ADAMTSL1: variants seen among roughly 807,000 people sequenced by gnomAD.
ADAMTSL1 encodes the protein ADAMTS like 1, also known as ADAMTS-like protein 1.
ADAMTSL1 carries 126 observed loss-of-function variants against 201.8 expected under a neutral mutation model. The observed-to-expected ratio is 0.62, with a 90% CI of 0.54 to 0.72. ADAMTSL1 has a LOEUF of 0.72. Ranked by LOEUF, ADAMTSL1 falls within the 30% of genes least tolerant of loss-of-function variation. The pLI is 0.00. For synonymous variants in ADAMTSL1, 1,121 were observed against 903.4 expected (o/e 1.24, Z -4.32); for missense variants, 2,679 against 2,277.8 (o/e 1.18, Z -3.59).
In ADAMTSL1 at chr9:18,910,360, T is replaced by C. The variant is rs1588374271; in HGVS notation, c.*1812T>C. ...ATTAAAAAAGTGCAATATTAATAAT[T>C]GTACATTGTCATCCAGAAACAAAAC... On this transcript the variant is annotated 3_prime_UTR_variant, in exon 29 of 29. Coordinates refer to ENST00000380548, the MANE Select transcript of ADAMTSL1 (RefSeq NM_001040272.6). The C allele has an allele frequency of 6.6e-6, 1 of 152,370 alleles. No homozygotes were observed. The highest frequency in any genetic ancestry group is 1.9e-4 in the East Asian group (1 of 5,188). The allele number at this position is 152,370 out of a possible 1,614,324, so 9.4% of individuals were successfully genotyped here.
chr9:18,631,331 GA>G (rs1172688384), intron 5 of ADAMTSL1, among the ~76,000 whole-genome samples: 1 of 152,130 alleles, frequency 6.6e-6, no homozygotes, highest in Non-Finnish European at 1.5e-5. Flanking sequence ...AAACCAGGGA[GA>G]AAATTGAAAG....
At chr9:17,974,153 A>G (rs1818338906) in intron 1 of ADAMTSL1, among the ~76,000 whole-genome samples, 1 of 152,048 alleles carries the variant, frequency 6.6e-6, no homozygotes, top group Non-Finnish European at 1.5e-5. Flanking sequence ...TGAATGGGCA[A>G]AAACTGGAAG....
chr9:18,748,566 GA>G, intron 15 of ADAMTSL1, among the ~76,000 whole-genome samples: 1 of 152,262 alleles, frequency 6.6e-6, no homozygotes, highest in Non-Finnish European at 1.5e-5. Context: ...CACACTGAAG[GA>G]AAATGTGTGG....
intron 2 of ADAMTSL1, among the ~76,000 whole-genome samples, chr9:18,524,831 G>T (rs951950726): frequency 3.3e-5 from 5 of 152,196 alleles, no homozygotes; most frequent in African/African-American, 1.2e-4. Context: ...TGTGCTGCTG[G>T]ATTCGGTTTG....
intron 2 of ADAMTSL1, among the ~76,000 whole-genome samples, chr9:18,287,623 A>AAGTATATATGTGTGTATATATGTATGTGT (rs370133761): frequency 2.3e-4 from 33 of 143,352 alleles, no homozygotes; most frequent in African/African-American, 8.5e-4. Context: ...GTATGTGTAT[A>AAGTATATATGTGTGTATATATGTATGTGT]CATATACGCA....
At chr9:18,444,710 G>C (rs888373409) in intron 2 of ADAMTSL1, among the ~76,000 whole-genome samples, 4 of 152,136 alleles carry the variant, frequency 2.6e-5, no homozygotes, top group African/African-American at 9.6e-5. Context: ...AATAATAGTA[G>C]TACGAGTTAA....
chr9:18,046,762 C>T (rs1333945381), intron 1 of ADAMTSL1, among the ~76,000 whole-genome samples: 1 of 152,112 alleles, frequency 6.6e-6, no homozygotes, highest in Non-Finnish European at 1.5e-5. Flanking sequence ...ACAACCCTAA[C>T]AAGGCAAGTA....
In ADAMTSL1 at chr9:18,639,240, G is replaced by A. The variant is rs769504622; in HGVS notation, c.677-14G>A. 4 of 1,612,012 alleles carry A rather than the reference G, an allele frequency of 2.5e-6. No individual in the cohort carries two copies. Among genetic ancestry groups the A allele is most frequent in the African/African-American group, 2.7e-5 (2 of 74,790 alleles). ...GAACATCTTTCTCTCATCTTCACGT[G>A]TTTGATCATATAGATCTGGAAACCA... On this transcript the variant is annotated splice_polypyrimidine_tract_variant and intron_variant, in intron 6 of 28. Transcript: ENST00000380548.
At chr9:18,029,807 C>G (rs1187074083) in intron 1 of ADAMTSL1, among the ~76,000 whole-genome samples, 1 of 152,200 alleles carries the variant, frequency 6.6e-6, no homozygotes, top group Middle Eastern at 3.2e-3. Flanking sequence ...CGCTCTTCAT[C>G]ACTGGCCATC....
In ADAMTSL1 at chr9:18,806,471, C is replaced by T. The variant is rs969591012; in HGVS notation, c.3806-10638C>T. Among the ~76,000 whole-genome samples the T allele has an allele frequency of 1.7e-4, 26 of 152,202 alleles. 1 individual carries two copies. The highest frequency in any genetic ancestry group is 5.6e-4 in the African/African-American group (23 of 41,438). ...GCTTCTAAAATGGAAGGCGGCATGGCAGTTTAAACAAAGTTTCTATTAGCA... is the reference window on the plus strand; with the variant it reads ...GCTTCTAAAATGGAAGGCGGCATGGTAGTTTAAACAAAGTTTCTATTAGCA... On this transcript the variant is annotated intron_variant, in intron 20 of 28. Coordinates refer to ENST00000380548, the MANE Select transcript of ADAMTSL1 (RefSeq NM_001040272.6).
chr9:17,944,533 C>G (rs1425897189), intron 1 of ADAMTSL1, among the ~76,000 whole-genome samples: 1 of 151,342 alleles, frequency 6.6e-6, no homozygotes, highest in Admixed American at 6.6e-5. Context: ...AAGAACAAAG[C>G]TGGAGGCATC....
Position 18,017,424 on chromosome 9 carries a change from C to T in ADAMTSL1, c.87+110502C>T, listed in dbSNP as rs574022917. Reference sequence around the variant, plus strand: ...CAGCACTGACAGTTTGTTTTGTAATCCCCCCAAATTTGAGAAGCCTGTTGG... The same window carrying T: ...CAGCACTGACAGTTTGTTTTGTAATTCCCCCAAATTTGAGAAGCCTGTTGG... On this transcript the variant is annotated intron_variant, in intron 1 of 29. Coordinates refer to the ADAMTSL1 transcript ENST00000680146. Among the ~76,000 whole-genome samples, 3 of 151,910 alleles carry T rather than the reference C, an allele frequency of 2.0e-5. No homozygotes were observed. The South Asian group carries it at 6.2e-4, about 32-fold the overall frequency.
At chr9:18,203,071 C>G (rs1439539209) in intron 2 of ADAMTSL1, among the ~76,000 whole-genome samples, 1 of 152,090 alleles carries the variant, frequency 6.6e-6, no homozygotes, top group African/African-American at 2.4e-5. Context: ...TCTTTCCTGA[C>G]CAGGTTATAC....
At chr9:18,602,175 T>G (rs2132544240) in intron 4 of ADAMTSL1, among the ~76,000 whole-genome samples, 1 of 152,348 alleles carries the variant, frequency 6.6e-6, no homozygotes, top group Admixed American at 6.5e-5. Flanking sequence ...TTCTGCTGCC[T>G]TTACAATGAA....
At chr9:18,088,507 A>C (rs1345893825) in intron 1 of ADAMTSL1, among the ~76,000 whole-genome samples, 2 of 152,210 alleles carry the variant, frequency 1.3e-5, no homozygotes, top group East Asian at 3.8e-4. Context: ...TTCGATAAGG[A>C]GTTAAACGCC....
In ADAMTSL1 at chr9:18,826,421, C is replaced by A. The variant is rs1258103548; in HGVS notation, c.4072C>A (p.Leu1358Ile). ...QGLYSCRAANLHGELTESTQL... is the reference protein window; with the variant it reads ...QGLYSCRAANIHGELTESTQL... ...CCTGTACTCCTGCAGGGCGGCCAAT[C>A]TTCATGGAGAGCTGACTGAGAGCAC... Residue 1358 changes from leucine (L) to isoleucine (I), a missense_variant, in exon 22 of 29, where the codon CTT (leucine) becomes ATT (isoleucine). Coordinates refer to ENST00000380548, the MANE Select transcript of ADAMTSL1 (RefSeq NM_001040272.6). 1.2e-6 allele frequency: 2 copies of A among 1,613,858 alleles called. No individual in the cohort carries two copies. Among genetic ancestry groups the A allele is most frequent in the Non-Finnish European group, 1.7e-6 (2 of 1,179,860 alleles).
chr9:18,075,488 G>C (rs1823179032), intron 1 of ADAMTSL1, among the ~76,000 whole-genome samples: 1 of 151,996 alleles, frequency 6.6e-6, no homozygotes, highest in Non-Finnish European at 1.5e-5. Flanking sequence ...AATAAAATGG[G>C]GTTAATGTGT....
At chr9:18,798,638 A>G (rs369710117) in intron 20 of ADAMTSL1, among the ~76,000 whole-genome samples, 4 of 152,278 alleles carry the variant, frequency 2.6e-5, no homozygotes, top group African/African-American at 9.6e-5. Context: ...AGCCATCTGG[A>G]AAGTACTTGG....
chr9:18,807,657 AAC>A lies in ADAMTSL1; in HGVS notation c.3806-9450_3806-9449del, dbSNP rs1491084064. 3.5e-3 allele frequency among the ~76,000 whole-genome samples: 309 copies of A among 88,528 alleles called. 2 individuals are homozygous for A. The highest frequency in any genetic ancestry group is 9.5e-3 in the African/African-American group (289 of 30,416). 58.1% of individuals were successfully genotyped at this position (88,528 alleles called of 152,430 possible). On this transcript the variant is annotated intron_variant, in intron 20 of 28. Transcript: ENST00000380548. ...CGAGACTCTGTCTCAAAAAAAAAAA[AAC>A]AAAAAAAAAACAAAGCATACATAGT...
Sources: gnomAD v4.1 joint callset for allele counts (sites outside exome capture counted in the v4.1 genomes callset) on GRCh38, gnomAD v4.1.1 for gene constraint, MANE v1.5 for transcripts, NCBI Gene and HGNC (gene_info 2026-07-23, HGNC 2026-07-21) for gene names.